Variants in TBX2 observed in about 807,000 individuals in gnomAD.
TBX2 encodes T-box transcription factor 2.
TBX2 carries 19 observed loss-of-function variants against 48.4 expected under a neutral mutation model. That is an observed-to-expected ratio of 0.39 (90% CI 0.27 to 0.58). The LOEUF (loss-of-function observed/expected upper bound fraction) is 0.58. Ranked by LOEUF, TBX2 falls within the 20% of genes least tolerant of loss-of-function variation. The pLI is 0.54. For synonymous variants in TBX2, 522 were observed against 459.7 expected (o/e 1.14, Z -1.73); for missense variants, 994 against 1,006.5 (o/e 0.99, Z 0.17).
At position 61,400,260 on chromosome 17, in the gene TBX2, CT is replaced by C; in HGVS notation, c.87del (p.Leu30TrpfsTer78). The C allele has an allele frequency of 1.7e-6, 2 of 1,203,138 alleles. No individual in the cohort carries two copies. The highest frequency in any genetic ancestry group is 1.6e-5 in the South Asian group (1 of 62,916). 74.5% of individuals were successfully genotyped at this position (1,203,138 alleles called of 1,614,324 possible). On this transcript the variant is annotated frameshift_variant, in exon 1 of 7. Coordinates refer to ENST00000240328, the MANE Select transcript of TBX2 (RefSeq NM_005994.4). LOFTEE classifies it high-confidence loss of function. This position sits in a 1 kb window ranked among gnomAD's most constrained non-coding sequence, Gnocchi z 9.2. ...GGCCCGCCGACTTCCCCATGTCCGC[CT>C]TTCTGGCGGCGGCGCAGCCCTCCTT... Reference protein sequence around the residue: ...PRPADFPMSAFLAAAQPSFFP... With the variant: ...PRPADFPMSAXLAAAQPSFFP...
intron 1 of TBX2, 129 bp from the exon 2 acceptor site, chr17:61,401,555 C>G (rs1677520457): frequency 2.1e-5 from 28 of 1,321,340 alleles, no homozygotes; most frequent in Non-Finnish European, 2.8e-5. Flanking sequence ...GGCAGAGCAG[C>G]CGACCACAGG....
rs1490890241 is a variant in TBX2, at chr17:61,404,623, C to A, written c.905C>A (p.Pro302Gln). The A allele has an allele frequency of 6.3e-6, 10 of 1,580,984 alleles. No individual in the cohort carries two copies. The highest frequency in any genetic ancestry group is 3.4e-4 in the Middle Eastern group (2 of 5,928). The change falls in exon 5 of 7, where the codon CCG becomes CAG. Residue 302 changes from proline to glutamine, a missense_variant. Coordinates refer to ENST00000240328, the MANE Select transcript of TBX2 (RefSeq NM_005994.4). ...RREKRKQLTLPSLRLYEEHCK... is the reference protein window; with the variant it reads ...RREKRKQLTLQSLRLYEEHCK... ...ATCCCCAGGAAGCAGCTGACGCTGCCGTCTCTACGCTTGTACGAGGAGCAC... is the reference window on the plus strand; with the variant it reads ...ATCCCCAGGAAGCAGCTGACGCTGCAGTCTCTACGCTTGTACGAGGAGCAC...
Position 61,400,442 on chromosome 17 carries a change from T to C in TBX2, c.266T>C (p.Leu89Pro). 6.3e-7 allele frequency: 1 copy of C among 1,585,474 alleles called. No individual in the cohort carries two copies. Among genetic ancestry groups the C allele is most frequent in the South Asian group, 1.1e-5 (1 of 87,414 alleles). Residue 89 changes from leucine to proline, a missense_variant, in exon 1 of 7, where the codon CTG (leucine) becomes CCG (proline). This residue lies in a region of TBX2 where 165 missense variants were observed against 136.8 expected (regional missense o/e 1.21). Transcript: ENST00000240328. This position sits in a 1 kb window ranked among gnomAD's most constrained non-coding sequence, Gnocchi z 9.2. Reference sequence around the variant, plus strand: ...GGCCCGCACCCGCCCGCCGCGCATCTGCGCTCCCTCAAGAGCCTGGAGCCC... The same window carrying C: ...GGCCCGCACCCGCCCGCCGCGCATCCGCGCTCCCTCAAGAGCCTGGAGCCC... ...ALGPHPPAAH[L>P]RSLKSLEPED...
Position 61,400,274 on chromosome 17 carries a change from C to T in TBX2, c.98C>T (p.Ala33Val). 1.7e-6 allele frequency: 2 copies of T among 1,185,092 alleles called. No individual in the cohort carries two copies. The highest frequency in any genetic ancestry group is 1.1e-6 in the Non-Finnish European group (1 of 935,200). The allele number at this position is 1,185,092 out of a possible 1,614,324, so 73.4% of individuals were successfully genotyped here. Reference sequence around the variant, plus strand: ...CCCATGTCCGCCTTTCTGGCGGCGGCGCAGCCCTCCTTCTTCCCGGCACTC... The same window carrying T: ...CCCATGTCCGCCTTTCTGGCGGCGGTGCAGCCCTCCTTCTTCCCGGCACTC... ...DFPMSAFLAA[A>V]QPSFFPALAL... The change falls in exon 1 of 7, where the codon GCG becomes GTG. Residue 33 changes from alanine to valine, a missense_variant. Coordinates refer to ENST00000240328, the MANE Select transcript of TBX2 (RefSeq NM_005994.4). This position sits in a 1 kb window ranked among gnomAD's most constrained non-coding sequence, Gnocchi z 9.2.
rs761162599 is a variant in TBX2, at chr17:61,400,149, C to T, written c.-28C>T. The stretch of plus-strand genomic sequence containing the variant: ...CGCGCGCCCCCGGCCCCGGCCCCGG[C>T]CCCCGGGCGCCTGGGCCGGATGTCC... On this transcript the variant is annotated 5_prime_UTR_variant, in exon 1 of 7. Coordinates refer to ENST00000240328, the MANE Select transcript of TBX2 (RefSeq NM_005994.4). The surrounding 1 kb of genome is among the most constrained non-coding windows in gnomAD (Gnocchi z 9.2). The T allele has an allele frequency of 2.9e-5, 29 of 995,236 alleles. No homozygotes were observed. The highest frequency in any genetic ancestry group is 5.6e-5 in the Admixed American group (1 of 17,764). 61.7% of individuals were successfully genotyped at this position (995,236 alleles called of 1,614,324 possible).
In TBX2 at chr17:61,405,426, C is replaced by T; in HGVS notation, c.1276C>T (p.Arg426Cys). The T allele has an allele frequency of 6.4e-7, 1 of 1,553,304 alleles. No homozygotes were observed. Among genetic ancestry groups the T allele is most frequent in the Non-Finnish European group, 8.7e-7 (1 of 1,153,496 alleles). The stretch of plus-strand genomic sequence containing the variant: ...CGGCCTGAGGAGCCTGGAGAAGGAG[C>T]GCGCCGAAGCTCGGAGGAAGGACGA... ...PFGLRSLEKERAEARRKDEGR... is the reference protein window; with the variant it reads ...PFGLRSLEKECAEARRKDEGR... Residue 426 changes from arginine to cysteine, a missense_variant, in exon 6 of 7, where the codon CGC (arginine) becomes TGC (cysteine). Physicochemically the swap from Arg to Cys is radical, Grantham distance 180. Around this residue, in one of 5 missense-constraint regions of TBX2, gnomAD observed 639 missense variants for 613.2 expected, o/e 1.04. Transcript: ENST00000240328.
Position 61,406,198 on chromosome 17 carries a change from C to T in TBX2, c.1686+362C>T. On this transcript the variant is annotated intron_variant, in intron 6 of 6. Coordinates refer to ENST00000240328, the MANE Select transcript of TBX2 (RefSeq NM_005994.4). The surrounding 1 kb of genome is among the most constrained non-coding windows in gnomAD (Gnocchi z 5.7). Reference sequence around the variant, plus strand: ...ACCCCTGGCTTGTGAAGTCTTCTCTCCTGGCCTCAGGACATTTTTCTTGAG... The same window carrying T: ...ACCCCTGGCTTGTGAAGTCTTCTCTTCTGGCCTCAGGACATTTTTCTTGAG... 1 of 231,448 alleles carries T rather than the reference C, an allele frequency of 4.3e-6. No individual in the cohort carries two copies. Among genetic ancestry groups the T allele is most frequent in the Non-Finnish European group, 8.4e-6 (1 of 119,306 alleles). The allele number at this position is 231,448 out of a possible 1,614,324, so 14.3% of individuals were successfully genotyped here.
In TBX2 at chr17:61,408,132, G is replaced by A; in HGVS notation, c.1765G>A (p.Ala589Thr). ...YMAAAAAAASALPATSAAAAA... is the reference protein window; with the variant it reads ...YMAAAAAAASTLPATSAAAAA... The stretch of plus-strand genomic sequence containing the variant: ...GGCAGCAGCAGCCGCAGCCGCCTCG[G>A]CTTTGCCCGCCACTAGTGCTGCAGC... The change falls in exon 7 of 7, where the codon GCT becomes ACT. Residue 589 changes from alanine (A) to threonine (T), a missense_variant. Transcript: ENST00000240328. The A allele has an allele frequency of 6.2e-7, 1 of 1,609,368 alleles. No homozygotes were observed.
intron 6 of TBX2, 99 bp from the exon 7 acceptor site, chr17:61,407,955 A>G (rs2060295243): frequency 7.0e-7 from 1 of 1,433,480 alleles, no homozygotes; most frequent in Non-Finnish European, 9.3e-7. Flanking sequence ...TTACATCCCT[A>G]AAACAGAAGG....
Position 61,408,760 on chromosome 17 carries a change from G to T in TBX2, c.*254G>T. ...TCCAGATCCGCTCCAGCGTCAAGGT[G>T]GCATCCGAAGGTGTCTCTGGTCTTC... On this transcript the variant is annotated 3_prime_UTR_variant, in exon 7 of 7. Coordinates refer to ENST00000240328, the MANE Select transcript of TBX2 (RefSeq NM_005994.4). 2.5e-6 allele frequency: 1 copy of T among 396,984 alleles called. No individual in the cohort carries two copies. Among genetic ancestry groups the T allele is most frequent in the Non-Finnish European group, 4.4e-6 (1 of 227,116 alleles). 24.6% of individuals were successfully genotyped at this position (396,984 alleles called of 1,614,324 possible). A position where few individuals can be genotyped will look rare whatever the true frequency, so the allele number is the denominator to read the frequency against.
chr17:61,401,355 C>T (rs2060263154), intron 1 of TBX2, among the ~76,000 whole-genome samples: 1 of 152,178 alleles, frequency 6.6e-6, no homozygotes, highest in African/African-American at 2.4e-5. Flanking sequence ...TAAGGAGAAG[C>T]GAGAATATTT....
At position 61,408,497 on chromosome 17, in the gene TBX2, G is replaced by A. The variant is rs565941283; in HGVS notation, c.2130G>A (p.Ser710=). 18 of 1,442,718 alleles carry A rather than the reference G, an allele frequency of 1.2e-5. No individual in the cohort carries two copies. The highest frequency in any genetic ancestry group is 8.9e-5 in the South Asian group (6 of 67,260). The allele number at this position is 1,442,718 out of a possible 1,614,324, so 89.4% of individuals were successfully genotyped here. Residue 710 remains serine (S), a synonymous_variant, in exon 7 of 7, where the codon TCG becomes TCA. Transcript: ENST00000240328. Reference sequence around the variant, plus strand: ...GAGCCCTCTCCCCAGGCCGGGAGTCGCCCAAGTGAGGGGCTGCCCAGCTGC... The same window carrying A: ...GAGCCCTCTCCCCAGGCCGGGAGTCACCCAAGTGAGGGGCTGCCCAGCTGC... ...SQRALSPGRE[S]PK is the part of the protein sequence containing the mutation.
rs1377466669 is a variant in TBX2, at chr17:61,406,375, G to A, written c.1686+539G>A. The stretch of plus-strand genomic sequence containing the variant: ...TCCCAGGCCTTCTACGAAGTCCTCT[G>A]TCCTGGTGAAGGACAAGGCTGGTCT... On this transcript the variant is annotated intron_variant, in intron 6 of 6. Coordinates refer to ENST00000240328, the MANE Select transcript of TBX2 (RefSeq NM_005994.4). This position sits in a 1 kb window ranked among gnomAD's most constrained non-coding sequence, Gnocchi z 5.7. The A allele has an allele frequency of 6.6e-6, 1 of 152,274 alleles. No individual in the cohort carries two copies. Among genetic ancestry groups the A allele is most frequent in the Non-Finnish European group, 1.5e-5 (1 of 68,112 alleles). The allele number at this position is 152,274 out of a possible 1,614,324, so 9.4% of individuals were successfully genotyped here. A position where few individuals can be genotyped will look rare whatever the true frequency, so the allele number is the denominator to read the frequency against.
At chr17:61,407,758 C>A (rs547217647) in intron 6 of TBX2, 1 of 364,184 alleles carries the variant, frequency 2.7e-6, no homozygotes, top group Non-Finnish European at 4.9e-6. Flanking sequence ...GGCCTTCACC[C>A]GTGCTAGGGC....
In TBX2 at chr17:61,404,413, C is replaced by G. The variant is rs776066749; in HGVS notation, c.811-8C>G. On this transcript the variant is annotated splice_polypyrimidine_tract_variant and splice_region_variant and intron_variant, in intron 3 of 6. Coordinates refer to ENST00000240328, the MANE Select transcript of TBX2 (RefSeq NM_005994.4). ...CCTGACTTAGCGCCGCCCCCTTGGT[C>G]CCCGCAGATCACACAGCTGAAGATC... The G allele has an allele frequency of 1.2e-6, 2 of 1,604,438 alleles. No homozygotes were observed. Among genetic ancestry groups the G allele is most frequent in the Non-Finnish European group, 1.7e-6 (2 of 1,175,646 alleles).
In TBX2 at chr17:61,403,642, A is replaced by T. The variant is rs2060275558; in HGVS notation, c.810+435A>T. 6.7e-6 allele frequency among the ~76,000 whole-genome samples: 1 copy of T among 149,742 alleles called. No individual in the cohort carries two copies. The highest frequency in any genetic ancestry group is 2.0e-4 in the East Asian group (1 of 5,046). On this transcript the variant is annotated intron_variant, in intron 3 of 6. Transcript: ENST00000240328. The surrounding 1 kb of genome is among the most constrained non-coding windows in gnomAD (Gnocchi z 5.8). ...TTTTCACTCTCTCGGGGGGAGCCAG[A>T]GGGTGGGACAGGTGACACAGCCCCC... is the stretch of plus-strand genomic sequence containing the variant.
chr17:61,405,120 G>A, intron 5 of TBX2, 82 bp from the exon 6 acceptor site: 2 of 1,490,968 alleles, frequency 1.3e-6, no homozygotes, highest in Non-Finnish European at 1.8e-6. Context: ...GCCTCCCCGA[G>A]AGCAGCCCTT....
Position 61,408,131 on chromosome 17 carries a change from G to C in TBX2, c.1764G>C (p.Ser588=). Residue 588 remains serine, a synonymous_variant, in exon 7 of 7, where the codon TCG becomes TCC. Transcript: ENST00000240328. ...TYMAAAAAAA[S]ALPATSAAAA... ...TGGCAGCAGCAGCCGCAGCCGCCTC[G>C]GCTTTGCCCGCCACTAGTGCTGCAG... 1.2e-6 allele frequency: 2 copies of C among 1,609,564 alleles called. No homozygotes were observed. Among genetic ancestry groups the C allele is most frequent in the Non-Finnish European group, 1.7e-6 (2 of 1,178,494 alleles).
At position 61,404,661 on chromosome 17, in the gene TBX2, C is replaced by T. The variant is rs764022876; in HGVS notation, c.943C>T (p.Arg315Cys). The T allele has an allele frequency of 3.8e-6, 6 of 1,587,230 alleles. No homozygotes were observed. Among genetic ancestry groups the T allele is most frequent in the South Asian group, 2.3e-5 (2 of 87,774 alleles). Reference sequence around the variant, plus strand: ...GTACGAGGAGCACTGCAAACCCGAGCGCGATGGCGCGGAGTCAGACGCCTC... The same window carrying T: ...GTACGAGGAGCACTGCAAACCCGAGTGCGATGGCGCGGAGTCAGACGCCTC... ...RLYEEHCKPE[R>C]DGAESDASSC... is the part of the protein sequence containing the mutation. The change falls in exon 5 of 7, where the codon CGC (arginine) becomes TGC (cysteine). Residue 315 changes from arginine (R) to cysteine (C), a missense_variant. Arg to Cys is a radical substitution (Grantham distance 180). Around this residue, in one of 5 missense-constraint regions of TBX2, gnomAD observed 639 missense variants for 613.2 expected, o/e 1.04. Transcript: ENST00000240328.
Sources: gnomAD v4.1 joint callset for allele counts (sites outside exome capture counted in the v4.1 genomes callset) on GRCh38, gnomAD v4.1.1 for gene constraint, gnomAD v4.1.1 regional missense constraint, Gnocchi (gnomAD v3.1) non-coding constraint, MANE v1.5 for transcripts, NCBI Gene and HGNC (gene_info 2026-07-23, HGNC 2026-07-21) for gene names.